ABTB3: variants seen among roughly 807,000 people sequenced by gnomAD.
The protein encoded by ABTB3 is ankyrin repeat- and BTB/POZ domain-containing protein 3.
At chr12:107,380,754 G>A in the ABTB3 span, among the ~76,000 whole-genome samples, 6 of 152,096 alleles carry the variant, frequency 3.9e-5, no homozygotes, top group Admixed American at 1.3e-4. Flanking sequence ...CTAAAACAGG[G>A]TACATGCGTG....
At chr12:107,542,400 A>T in the ABTB3 span, among the ~76,000 whole-genome samples, 1 of 152,236 alleles carries the variant, frequency 6.6e-6, no homozygotes, top group South Asian at 2.1e-4. Flanking sequence ...AGATGATCGT[A>T]AGTAGGACAG....
At chr12:107,549,031 A>C in the ABTB3 span, among the ~76,000 whole-genome samples, 1 of 152,232 alleles carries the variant, frequency 6.6e-6, no homozygotes, top group East Asian at 1.9e-4. Flanking sequence ...CACTGAAAAC[A>C]AACCAGAATT....
At chr12:107,392,261 C>G in the ABTB3 span, among the ~76,000 whole-genome samples, 3 of 152,180 alleles carry the variant, frequency 2.0e-5, no homozygotes, top group African/African-American at 7.2e-5. Flanking sequence ...GCTCTCCCAG[C>G]CTGCCAAACT....
At chr12:107,349,390 T>C in the ABTB3 span, among the ~76,000 whole-genome samples, 1 of 152,242 alleles carries the variant, frequency 6.6e-6, no homozygotes, top group Admixed American at 6.5e-5. Context: ...CGGGGAATGA[T>C]GACTCAGAGT....
the ABTB3 span, among the ~76,000 whole-genome samples, chr12:107,576,062 A>G: frequency 1.3e-5 from 2 of 152,192 alleles, no homozygotes; most frequent in East Asian, 3.8e-4. Context: ...GCACTGTACA[A>G]TCTTCAAATG....
the ABTB3 span, among the ~76,000 whole-genome samples, chr12:107,597,427 G>T: frequency 1.3e-5 from 2 of 152,258 alleles, no homozygotes; most frequent in South Asian, 2.1e-4. Context: ...ATCCCACGGC[G>T]GAAGGGCAAG....
chr12:107,585,695 G>A, the ABTB3 span, among the ~76,000 whole-genome samples: 1 of 152,216 alleles, frequency 6.6e-6, no homozygotes, highest in South Asian at 2.1e-4. Flanking sequence ...TCTGGTGTGG[G>A]CCAAACTGGA....
chr12:107,545,448 G>C, the ABTB3 span, among the ~76,000 whole-genome samples: 2 of 151,942 alleles, frequency 1.3e-5, no homozygotes. Context: ...GTTTCACCAT[G>C]TTCCCCAGGC....
chr12:107,646,749 C>T, the ABTB3 span, among the ~76,000 whole-genome samples: 1 of 152,152 alleles, frequency 6.6e-6, no homozygotes, highest in Admixed American at 6.5e-5. Flanking sequence ...CCCTGGGATA[C>T]AGCGGTGGGC....
the ABTB3 span, among the ~76,000 whole-genome samples, chr12:107,500,803 G>A: frequency 6.6e-6 from 1 of 152,164 alleles, no homozygotes; most frequent in Non-Finnish European, 1.5e-5. Context: ...TCACCCGGAA[G>A]ACTGCAGCCC....
chr12:107,619,026 C>G, the ABTB3 span, among the ~76,000 whole-genome samples: 1 of 152,170 alleles, frequency 6.6e-6, no homozygotes, highest in South Asian at 2.1e-4. Flanking sequence ...TAGTGGCTTT[C>G]GCTCTGCCAT....
the ABTB3 span, among the ~76,000 whole-genome samples, chr12:107,635,943 G>A: frequency 1.4e-5 from 2 of 146,936 alleles, no homozygotes; most frequent in Admixed American, 1.4e-4. Context: ...GCAGAGGCTG[G>A]ATGCTTATAA....
the ABTB3 span, among the ~76,000 whole-genome samples, chr12:107,465,570 GGCGTCCT>G: frequency 6.6e-6 from 1 of 152,122 alleles, no homozygotes; most frequent in East Asian, 1.9e-4. Flanking sequence ...GAACAGTGTG[GGCGTCCT>G]GCTCAGGGGC....
chr12:107,649,208 G>C, the ABTB3 span: 1 of 1,611,918 alleles, frequency 6.2e-7, no homozygotes, highest in South Asian at 1.1e-5. Context: ...TCTTCCAGCT[G>C]GTTATGCAGT....
the ABTB3 span, among the ~76,000 whole-genome samples, chr12:107,574,800 G>A: frequency 7.2e-5 from 11 of 152,334 alleles, no homozygotes; most frequent in East Asian, 1.2e-3. Context: ...ATTTTAACAA[G>A]ATCCCAGGTG....
At chr12:107,319,174 G>A in the ABTB3 span, 4 of 1,598,640 alleles carry the variant, frequency 2.5e-6, no homozygotes, top group South Asian at 1.1e-5. Context: ...AAGACTCCGA[G>A]GGGCTGGACT....
At chr12:107,578,758 G>C in the ABTB3 span, among the ~76,000 whole-genome samples, 1 of 152,206 alleles carries the variant, frequency 6.6e-6, no homozygotes, top group South Asian at 2.1e-4. Flanking sequence ...GTGATGGAGA[G>C]AATGGGAGAA....
At chr12:107,435,627 G>A in the ABTB3 span, among the ~76,000 whole-genome samples, 4 of 152,172 alleles carry the variant, frequency 2.6e-5, no homozygotes, top group South Asian at 4.1e-4. Context: ...ACACATATAC[G>A]ATATAAGAGG....
the ABTB3 span, among the ~76,000 whole-genome samples, chr12:107,476,162 C>A: frequency 6.6e-6 from 1 of 152,254 alleles, no homozygotes; most frequent in Non-Finnish European, 1.5e-5. Context: ...GCTAGCCTGG[C>A]CCCCGGCTAC....
Sources: allele counts gnomAD v4.1 joint callset (sites outside exome capture counted in the v4.1 genomes callset), GRCh38; gene constraint gnomAD v4.1.1; transcripts MANE v1.5; gene names NCBI Gene and HGNC (gene_info 2026-07-23, HGNC 2026-07-21).